Variants in DPP6 observed in about 807,000 individuals in gnomAD.
DPP6 encodes dipeptidyl peptidase like 6.
Under a neutral mutation model 122.6 loss-of-function variants are expected in DPP6, and 69 were observed. The ratio of observed to expected loss-of-function variants is 0.56; its 90% CI spans 0.46 to 0.69. The LOEUF (loss-of-function observed/expected upper bound fraction) is 0.69. DPP6 is among the 30% of genes least tolerant of loss of function. DPP6 has a pLI of 0.00. For synonymous variants in DPP6, 418 were observed against 433.1 expected, an observed-to-expected ratio of 0.97 and a Z score of 0.43; for missense variants, 928 against 1,116.9, an observed-to-expected ratio of 0.83 and a Z score of 2.41.
At chr7:153,949,931 C>T (rs1403186170) in intron 1 of DPP6, among the ~76,000 whole-genome samples, 2 of 152,140 alleles carry the variant, frequency 1.3e-5, no homozygotes, top group Non-Finnish European at 2.9e-5. Flanking sequence ...TAGGGGGATC[C>T]CAGCACTGGG....
At chr7:154,434,828 A>T (rs1053488046) in intron 1 of DPP6, among the ~76,000 whole-genome samples, 1 of 151,828 alleles carries the variant, frequency 6.6e-6, no homozygotes, top group African/African-American at 2.4e-5. Context: ...AATTTATTTT[A>T]TTCTATTTTT....
At chr7:154,032,060 C>A (rs1187935666) in intron 1 of DPP6, among the ~76,000 whole-genome samples, 1 of 147,636 alleles carries the variant, frequency 6.8e-6, no homozygotes, top group Non-Finnish European at 1.5e-5. Context: ...TTAGTAGAGA[C>A]GGGGTTTCAC....
chr7:154,713,361 G>A (rs1228126963), intron 7 of DPP6, among the ~76,000 whole-genome samples: 1 of 152,208 alleles, frequency 6.6e-6, no homozygotes, highest in Admixed American at 6.5e-5. Flanking sequence ...ACTATGCAGT[G>A]CCCCACTGGG....
At chr7:154,763,188 T>C (rs1795669099) in intron 8 of DPP6, among the ~76,000 whole-genome samples, 1 of 152,030 alleles carries the variant, frequency 6.6e-6, no homozygotes, top group African/African-American at 2.4e-5. Flanking sequence ...AGAAATTAGC[T>C]GGGTGTGGTG....
At chr7:154,412,168 C>T (rs988501444) in intron 1 of DPP6, among the ~76,000 whole-genome samples, 2 of 152,162 alleles carry the variant, frequency 1.3e-5, no homozygotes, top group African/African-American at 4.8e-5. Context: ...CTCATGCCCT[C>T]ATCACCTCCC....
intron 1 of DPP6, among the ~76,000 whole-genome samples, chr7:154,066,260 A>G (rs977156298): frequency 1.8e-4 from 28 of 152,066 alleles, no homozygotes; most frequent in African/African-American, 6.3e-4. Flanking sequence ...GGGTTTCACT[A>G]TGTTGGCCAG....
intron 1 of DPP6, among the ~76,000 whole-genome samples, chr7:153,918,490 T>TCTC (rs1491468273): frequency 1.7e-5 from 2 of 117,384 alleles, no homozygotes; most frequent in African/African-American, 6.6e-5. Flanking sequence ...TCTCTCTCTC[T>TCTC]TTTTCTGCCA....
At chr7:154,478,954 G>GTT (rs552967759) in intron 3 of DPP6, among the ~76,000 whole-genome samples, 5,914 of 151,456 alleles carry the variant, frequency 0.039, 359 homozygotes, top group African/African-American at 0.13. Context: ...TTTGTTTTTT[G>GTT]TTTGTTTGTT....
chr7:154,255,961 C>T (rs901348677), intron 1 of DPP6, among the ~76,000 whole-genome samples: 7 of 152,052 alleles, frequency 4.6e-5, no homozygotes, highest in African/African-American at 1.7e-4. Flanking sequence ...CGCTCTTTAC[C>T]AGTTTTCCTG....
At chr7:154,493,684 G>T (rs1038468756) in intron 3 of DPP6, among the ~76,000 whole-genome samples, 3 of 152,088 alleles carry the variant, frequency 2.0e-5, no homozygotes, top group African/African-American at 4.8e-5. Context: ...CATTTATATT[G>T]TTGCCTTGTT....
intron 3 of DPP6, among the ~76,000 whole-genome samples, chr7:154,521,690 A>G (rs1826993412): frequency 1.3e-5 from 2 of 152,184 alleles, no homozygotes; most frequent in South Asian, 2.1e-4. Flanking sequence ...TATTTTTTTG[A>G]AAGTACGAAA....
At chr7:154,459,490 T>C (rs1274705240) in intron 2 of DPP6, among the ~76,000 whole-genome samples, 1 of 152,170 alleles carries the variant, frequency 6.6e-6, no homozygotes, top group African/African-American at 2.4e-5. Flanking sequence ...CATGATTTTA[T>C]TAATTTTATT....
chr7:153,975,092 A>G (rs930971284), intron 1 of DPP6, among the ~76,000 whole-genome samples: 2 of 152,230 alleles, frequency 1.3e-5, no homozygotes, highest in Non-Finnish European at 2.9e-5. Context: ...CAGCCAGAGC[A>G]GTAGGCACTG....
intron 1 of DPP6, among the ~76,000 whole-genome samples, chr7:154,427,652 G>A (rs189813028): frequency 1.3e-5 from 2 of 152,250 alleles, no homozygotes; most frequent in African/African-American, 2.4e-5. Context: ...TAGCCCTCAT[G>A]AATATCAATT....
chr7:154,755,396 G>A lies in DPP6; in HGVS notation c.884-14021G>A, dbSNP rs910193815. 3.3e-5 allele frequency among the ~76,000 whole-genome samples: 5 copies of A among 152,120 alleles called. No homozygotes were observed. The highest frequency in any genetic ancestry group is 1.3e-4 in the Admixed American group (2 of 15,282). ...GTGAGGAGACTGGAGACAGGCAGGT[G>A]CAGAAATGTCTCTGTCAGTATTTCC... On this transcript the variant is annotated intron_variant, in intron 8 of 25. Coordinates refer to ENST00000377770, the MANE Select transcript of DPP6 (RefSeq NM_130797.4). This position sits in a 1 kb window ranked among gnomAD's most constrained non-coding sequence, Gnocchi z 4.7.
chr7:154,329,421 C>T (rs1015540172), intron 1 of DPP6, among the ~76,000 whole-genome samples: 2 of 152,186 alleles, frequency 1.3e-5, no homozygotes, highest in Non-Finnish European at 2.9e-5. Flanking sequence ...TGTTCATATC[C>T]GTCACCCACT....
At chr7:154,539,675 A>G (rs1828557535) in intron 3 of DPP6, among the ~76,000 whole-genome samples, 1 of 152,160 alleles carries the variant, frequency 6.6e-6, no homozygotes, top group South Asian at 2.1e-4. Context: ...AGAAGAAAAC[A>G]TTGGAAAGTG....
At chr7:154,519,033 G>A (rs987256519) in intron 3 of DPP6, among the ~76,000 whole-genome samples, 1 of 152,124 alleles carries the variant, frequency 6.6e-6, no homozygotes, top group African/African-American at 2.4e-5. Flanking sequence ...ATATATTAAT[G>A]ACTAGTGTGT....
At chr7:154,616,074 C>A (rs536800025) in intron 5 of DPP6, among the ~76,000 whole-genome samples, 18 of 152,148 alleles carry the variant, frequency 1.2e-4, no homozygotes, top group African/African-American at 4.3e-4. Context: ...GAACAGGAGG[C>A]GGCCAGCTCA....
Sources: gnomAD v4.1 joint callset for allele counts (sites outside exome capture counted in the v4.1 genomes callset) on GRCh38, gnomAD v4.1.1 for gene constraint, Gnocchi (gnomAD v3.1) non-coding constraint, MANE v1.5 for transcripts, NCBI Gene and HGNC (gene_info 2026-07-23, HGNC 2026-07-21) for gene names.